Variants in RBFOX3 observed in about 807,000 individuals in gnomAD.
RBFOX3 encodes RNA binding protein fox-1 homolog 3.
A neutral mutation model predicts 48.7 loss-of-function variants in RBFOX3; 17 were observed. The ratio of observed to expected loss-of-function variants is 0.35; its 90% confidence interval spans 0.24 to 0.52. The LOEUF is 0.52. RBFOX3 is among the 20% of genes least tolerant of loss of function. The pLI is 0.94. For missense variants in RBFOX3, 382 were observed against 497.5 expected, an observed-to-expected ratio of 0.77 and a Z score of 2.21; for synonymous variants, 212 against 209.5, an observed-to-expected ratio of 1.01 and a Z score of -0.10.
chr17:79,097,261 C>T, intron 11 of RBFOX3, 31 bp downstream of exon 11: 1 of 1,516,770 alleles, frequency 6.6e-7, no homozygotes, highest in Non-Finnish European at 8.9e-7. Flanking sequence ...CCTACCCCCT[C>T]CTCCACGCCT....
At chr17:79,439,301 A>G (rs1555733230) in intron 2 of RBFOX3, among the ~76,000 whole-genome samples, 2 of 152,146 alleles carry the variant, frequency 1.3e-5, no homozygotes, top group Non-Finnish European at 1.5e-5. Flanking sequence ...ATGCCCATGC[A>G]GTGGATATAG....
intron 3 of RBFOX3, among the ~76,000 whole-genome samples, chr17:79,289,241 G>A (rs2072732895): frequency 6.6e-6 from 1 of 152,238 alleles, no homozygotes; most frequent in Non-Finnish European, 1.5e-5. Context: ...TGTGGCAAGA[G>A]CCATCTGGAG....
At position 79,090,894 on chromosome 17, in the gene RBFOX3, G is replaced by C. The variant is rs537724361; in HGVS notation, c.1078-9C>G. ...AACGGTGGAAGGTTTCACTACAACA[G>C]AAACAGAAAGGCAGGACTTGCAGCT... On this transcript the variant is annotated splice_polypyrimidine_tract_variant and intron_variant, in intron 14 of 14. Coordinates refer to ENST00000693108, the MANE Select transcript of RBFOX3 (RefSeq NM_001350451.2). The C allele has an allele frequency of 6.5e-7, 1 of 1,536,384 alleles. No individual in the cohort carries two copies. Among genetic ancestry groups the C allele is most frequent in the East Asian group, 2.5e-5 (1 of 40,660 alleles).
chr17:79,256,713 T>C (rs1600250582), intron 3 of RBFOX3, among the ~76,000 whole-genome samples: 1 of 151,272 alleles, frequency 6.6e-6, no homozygotes. Context: ...AGGTCAGGAG[T>C]TTGAGACCAG....
At position 79,089,623 on chromosome 17, in the gene RBFOX3, C is replaced by A. The variant is rs368915761; in HGVS notation, c.*1260G>T. 1 of 152,696 alleles carries A rather than the reference C, an allele frequency of 6.5e-6. No homozygotes were observed. Among genetic ancestry groups the A allele is most frequent in the African/African-American group, 2.4e-5 (1 of 41,578 alleles). 9.5% of individuals were successfully genotyped at this position (152,696 alleles called of 1,614,324 possible). ...GAGAATTCCATTTCAATAGCTGATG[C>A]TGAATAGAAAGTGAGGTGTATTTTT... On this transcript the variant is annotated 3_prime_UTR_variant, in exon 15 of 15. Transcript: ENST00000693108.
At chr17:79,154,526 C>T (rs2045332811) in intron 4 of RBFOX3, among the ~76,000 whole-genome samples, 2 of 152,208 alleles carry the variant, frequency 1.3e-5, no homozygotes, top group African/African-American at 4.8e-5. Flanking sequence ...AGTCGGGCGC[C>T]TGTGCTGAAG....
At chr17:79,578,453 G>T (rs2092934463) in intron 1 of RBFOX3, among the ~76,000 whole-genome samples, 1 of 152,252 alleles carries the variant, frequency 6.6e-6, no homozygotes, top group Non-Finnish European at 1.5e-5. Flanking sequence ...CCGTTCTTTG[G>T]GGAGGTGGCT....
At chr17:79,305,329 A>G (rs1238523961) in intron 3 of RBFOX3, among the ~76,000 whole-genome samples, 1 of 152,140 alleles carries the variant, frequency 6.6e-6, no homozygotes, top group Non-Finnish European at 1.5e-5. Context: ...TTCAATCATT[A>G]TGTTTTTCTT....
chr17:79,272,871 C>T (rs372406043), intron 3 of RBFOX3, among the ~76,000 whole-genome samples: 12 of 152,120 alleles, frequency 7.9e-5, no homozygotes, highest in African/African-American at 1.9e-4. Flanking sequence ...ATTGTCTTCC[C>T]GATGTGCCAG....
chr17:79,122,755 T>C (rs1832095047), intron 4 of RBFOX3, among the ~76,000 whole-genome samples: 1 of 152,210 alleles, frequency 6.6e-6, no homozygotes, highest in African/African-American at 2.4e-5. Flanking sequence ...TCTGCATTGC[T>C]GTTTATTGCA....
rs534058039 is a variant in RBFOX3, at chr17:79,276,188, C to A, written c.-74+31536G>T. 2.6e-5 allele frequency among the ~76,000 whole-genome samples: 4 copies of A among 152,280 alleles called. No individual in the cohort carries two copies. The South Asian group carries it at 8.3e-4, about 32-fold the overall frequency. ...AGCAGAGCCATCCAGGGATGGAGAG[C>A]AGAGGACTGTCCCCCAAGGGCTGGC... On this transcript the variant is annotated intron_variant, in intron 3 of 14. Coordinates refer to ENST00000693108, the MANE Select transcript of RBFOX3 (RefSeq NM_001350451.2).
chr17:79,171,620 A>C (rs1022152542), intron 4 of RBFOX3, among the ~76,000 whole-genome samples: 19 of 144,038 alleles, frequency 1.3e-4, no homozygotes, highest in African/African-American at 4.9e-4. Context: ...CTAACATTTA[A>C]TTACTTTTTT....
chr17:79,544,698 G>A (rs977603099), intron 1 of RBFOX3, among the ~76,000 whole-genome samples: 1 of 151,956 alleles, frequency 6.6e-6, no homozygotes, highest in African/African-American at 2.4e-5. Context: ...CAGGGAGCAA[G>A]CCTGCATCCT....
intron 1 of RBFOX3, among the ~76,000 whole-genome samples, chr17:79,487,444 A>C (rs927248011): frequency 3.2e-4 from 48 of 152,324 alleles, no homozygotes; most frequent in Non-Finnish European, 6.5e-4. Context: ...GCTAGGAAAG[A>C]ATGTGCTGAG....
rs113161594 is a variant in RBFOX3 at position 79,213,522 on chromosome 17, G to A, written c.-34+22244C>T. 5.5e-3 allele frequency among the ~76,000 whole-genome samples: 839 copies of A among 152,246 alleles called. 5 individuals carry two copies. Among genetic ancestry groups the A allele is most frequent in the Middle Eastern group, 0.017 (5 of 294 alleles). Reference sequence around the variant, plus strand: ...CCTCCCCTTCTTGGCCTCCCACCCCGCCAACCAGTGGGGCCCATCCAGAGG... The same window carrying A: ...CCTCCCCTTCTTGGCCTCCCACCCCACCAACCAGTGGGGCCCATCCAGAGG... On this transcript the variant is annotated intron_variant, in intron 4 of 14. Transcript: ENST00000693108.
intron 2 of RBFOX3, among the ~76,000 whole-genome samples, chr17:79,347,777 T>A (rs2083155051): frequency 6.6e-6 from 1 of 152,222 alleles, no homozygotes. Flanking sequence ...TTATTAAGCT[T>A]ATTTTTAAAA....
chr17:79,158,006 C>G (rs1056718696), intron 4 of RBFOX3, among the ~76,000 whole-genome samples: 11 of 152,188 alleles, frequency 7.2e-5, no homozygotes, highest in African/African-American at 2.4e-4. Context: ...TAGAATGTGG[C>G]TGTGCGTGGA....
At chr17:79,604,137 A>T (rs2145418829) in intron 1 of RBFOX3, among the ~76,000 whole-genome samples, 1 of 152,344 alleles carries the variant, frequency 6.6e-6, no homozygotes, top group East Asian at 1.9e-4. Context: ...TTCTTGTAAG[A>T]ATCAGCTGAT....
intron 3 of RBFOX3, among the ~76,000 whole-genome samples, chr17:79,265,358 T>C (rs2066519342): frequency 6.6e-6 from 1 of 152,132 alleles, no homozygotes. Flanking sequence ...TCCCACAGCC[T>C]CCCGCTTAAC....
Sources: gnomAD v4.1 joint callset for allele counts (sites outside exome capture counted in the v4.1 genomes callset) on GRCh38, gnomAD v4.1.1 for gene constraint, MANE v1.5 for transcripts, NCBI Gene and HGNC (gene_info 2026-07-23, HGNC 2026-07-21) for gene names.